The following TPP1 variants were observed in gnomAD, a reference collection of about 807,000 sequenced individuals.
TPP1 encodes tripeptidyl peptidase 1.
A neutral mutation model predicts 67.6 loss-of-function variants in TPP1; 43 were observed. The observed-to-expected ratio is 0.64, with a 90% CI of 0.50 to 0.82. The LOEUF (loss-of-function observed/expected upper bound fraction) is 0.82. Among genes scored for constraint, TPP1 ranks in the 40% least tolerant of loss-of-function variants. The probability of loss-of-function intolerance (pLI) is 0.00; values close to 1 mark genes in which losing one functional copy is unlikely to be tolerated. For synonymous variants in TPP1, 272 were observed against 281.5 expected (o/e 0.97, Z 0.34); for missense variants, 671 against 710.9 (o/e 0.94, Z 0.64).
At chr11:6,618,679 G>A in intron 3 of TPP1, 97 bp downstream of exon 3, 1 of 1,544,110 alleles carries the variant, frequency 6.5e-7, no homozygotes, top group Non-Finnish European at 8.8e-7. Flanking sequence ...GAACACAAGT[G>A]TCTTGGCAGG....
intron 6 of TPP1, 22 bp downstream of exon 6, chr11:6,616,953 T>C: frequency 6.2e-7 from 1 of 1,614,134 alleles, no homozygotes; most frequent in African/African-American, 1.3e-5. Context: ...ATGAGGACCC[T>C]GGGGCTCTTT....
Position 6,615,546 on chromosome 11 carries a change from C to T in TPP1, c.1162G>A (p.Val388Met), listed in dbSNP as rs1855567562. The part of the protein sequence containing the change: ...FPASSPYVTT[V>M]GGTSFQEPFL... ...GGTTCCTGGAAGGATGTGCCTCCCA[C>T]TGTGGTGACATAGGGGCTGAGGGGA... Residue 388 changes from valine (V) to methionine (M), a missense_variant, in exon 10 of 13, where the codon GTG (valine) becomes ATG (methionine). Coordinates refer to ENST00000299427, the MANE Select transcript of TPP1 (RefSeq NM_000391.4). 6.2e-7 allele frequency: 1 copy of T among 1,614,038 alleles called. No individual in the cohort carries two copies. The highest frequency in any genetic ancestry group is 1.3e-5 in the African/African-American group (1 of 74,906).
Position 6,617,657 on chromosome 11 carries a change from G to T in TPP1, c.349C>A (p.Gln117Lys). The change falls in exon 4 of 13, where the codon CAG becomes AAG. Residue 117 changes from glutamine (Q) to lysine (K), a missense_variant. Coordinates refer to ENST00000299427, the MANE Select transcript of TPP1 (RefSeq NM_000391.4). Reference sequence around the variant, plus strand: ...CTCAGCCAGCAAGTCAGAAAGTCCTGTGTGATCACAGAATGGCACTTCTGG... The same window carrying T: ...CTCAGCCAGCAAGTCAGAAAGTCCTTTGTGATCACAGAATGGCACTTCTGG... Reference protein sequence around the residue: ...GAQKCHSVITQDFLTCWLSIR... With the variant: ...GAQKCHSVITKDFLTCWLSIR... 1 of 1,614,186 alleles carries T rather than the reference G, an allele frequency of 6.2e-7. No homozygotes were observed. The highest frequency in any genetic ancestry group is 8.5e-7 in the Non-Finnish European group (1 of 1,180,038).
At position 6,615,284 on chromosome 11, in the gene TPP1, G is replaced by T. The variant is rs1855561858; in HGVS notation, c.1312C>A (p.Pro438Thr). 1.2e-6 allele frequency: 2 copies of T among 1,614,188 alleles called. No homozygotes were observed. The highest frequency in any genetic ancestry group is 1.7e-6 in the Non-Finnish European group (2 of 1,180,034). ...KFLSSSPHLP[P>T]SSYFNASGRA... ...CCACTGGCATTGAAGTAACTGGATG[G>T]TGGCAGGTGGGGGCTAGAGCTCAGG... Residue 438 changes from proline (P) to threonine (T), a missense_variant, in exon 11 of 13, where the codon CCA (proline) becomes ACA (threonine). Coordinates refer to ENST00000299427, the MANE Select transcript of TPP1 (RefSeq NM_000391.4).
In TPP1 at chr11:6,615,557, T is replaced by A. The variant is rs894753579; in HGVS notation, c.1151A>T (p.Tyr384Phe). 1.2e-6 allele frequency: 2 copies of A among 1,614,050 alleles called. No individual in the cohort carries two copies. Among genetic ancestry groups the A allele is most frequent in the Non-Finnish European group, 1.7e-6 (2 of 1,180,014 alleles). ...GGATGTGCCTCCCACTGTGGTGACA[T>A]AGGGGCTGAGGGGAGAAGACAGCAT... is the stretch of plus-strand genomic sequence containing the variant. Reference protein sequence around the residue: ...FRPTFPASSPYVTTVGGTSFQ... With the variant: ...FRPTFPASSPFVTTVGGTSFQ... The change falls in exon 10 of 13, where the codon TAT becomes TTT. Residue 384 changes from tyrosine to phenylalanine, a missense_variant. Physicochemically the swap from Tyr to Phe is conservative, Grantham distance 22. Transcript: ENST00000299427.
chr11:6,618,189 T>A (rs981068623), intron 3 of TPP1: 1 of 349,980 alleles, frequency 2.9e-6, no homozygotes, highest in Non-Finnish European at 5.5e-6. Flanking sequence ...GGTGAGTCAC[T>A]GTTTCCTGCC....
At chr11:6,614,786 C>T in intron 12 of TPP1, 80 bp downstream of exon 12, 1 of 1,613,684 alleles carries the variant, frequency 6.2e-7, no homozygotes, top group Non-Finnish European at 8.5e-7. Flanking sequence ...TATTCCACAC[C>T]ACCCTAACTG....
At position 6,614,497 on chromosome 11, in the gene TPP1, C is replaced by T. The variant is rs1179927507; in HGVS notation, c.*49G>A. 1 of 1,613,650 alleles carries T rather than the reference C, an allele frequency of 6.2e-7. No homozygotes were observed. The highest frequency in any genetic ancestry group is 2.2e-5 in the East Asian group (1 of 44,862). On this transcript the variant is annotated 3_prime_UTR_variant, in exon 13 of 13. Transcript: ENST00000299427. ...CAACAGGGCAGAATAAGGGACTGAA[C>T]TGCCAGCTTCAGGGCAGGGGACAAG...
In TPP1 at chr11:6,617,316, G is replaced by A. The variant is rs2134595577; in HGVS notation, c.493C>T (p.Pro165Ser). 2 of 1,614,130 alleles carry A rather than the reference G, an allele frequency of 1.2e-6. No homozygotes were observed. The highest frequency in any genetic ancestry group is 8.5e-7 in the Non-Finnish European group (1 of 1,180,030). Residue 165 changes from proline (P) to serine (S), a missense_variant, in exon 5 of 13, where the codon CCC becomes TCC. By Grantham distance (74) the Pro-to-Ser change is moderately conservative. Transcript: ENST00000299427. The stretch of plus-strand genomic sequence containing the variant: ...TAGGTGTTACCAAAGTCCACATGGG[G>A]GGCCAAGGCCTGTGGAAGCTGGTAG... ...HPYQLPQALA[P>S]HVDFVGGLHR...
chr11:6,616,709 G>C lies in TPP1; in HGVS notation c.838C>G (p.Leu280Val), dbSNP rs769824907. Reference protein sequence around the residue: ...GIEASLDVQYLMSAGANISTW... With the variant: ...GIEASLDVQYVMSAGANISTW... ...GAGATGTTGGCACCAGCACTCATCA[G>C]GTACTGCACATCTAGACTGGCCTCA... Residue 280 changes from leucine to valine, a missense_variant, in exon 7 of 13, where the codon CTG (leucine) becomes GTG (valine). Leu to Val is a conservative substitution (Grantham distance 32). Transcript: ENST00000299427. 3.1e-6 allele frequency: 5 copies of C among 1,613,962 alleles called. No individual in the cohort carries two copies. The highest frequency in any genetic ancestry group is 4.2e-6 in the Non-Finnish European group (5 of 1,180,010).
At chr11:6,618,662 G>T in intron 3 of TPP1, 114 bp downstream of exon 3, 1 of 1,464,212 alleles carries the variant, frequency 6.8e-7, no homozygotes, top group Non-Finnish European at 9.4e-7. Context: ...TAGGTTTCTA[G>T]CCTGAGGAAC....
chr11:6,618,989 G>T (rs2134598335), intron 2 of TPP1, 74 bp from the exon 3 acceptor site: 2 of 1,598,406 alleles, frequency 1.3e-6, no homozygotes, highest in Non-Finnish European at 8.5e-7. Flanking sequence ...GAAGGTTCCA[G>T]ATTAGGAGCT....
chr11:6,616,229 GAGACC>G, intron 8 of TPP1, 81 bp downstream of exon 8: 1 of 1,601,944 alleles, frequency 6.2e-7, no homozygotes, highest in Non-Finnish European at 8.5e-7. Flanking sequence ...TTATGAGTCA[GAGACC>G]AGGCTCAGGG....
chr11:6,615,512 A>G lies in TPP1; in HGVS notation c.1196T>C (p.Ile399Thr). 1 of 1,614,200 alleles carries G rather than the reference A, an allele frequency of 6.2e-7. No individual in the cohort carries two copies. Among genetic ancestry groups the G allele is most frequent in the East Asian group, 2.2e-5 (1 of 44,882 alleles). ...GATATAGTCAACAATTTCATTTGTG[A>G]TGAGGAAAGGTTCCTGGAAGGATGT... ...GGTSFQEPFL[I>T]TNEIVDYISG... The change falls in exon 10 of 13, where the codon ATC (isoleucine) becomes ACC (threonine). Residue 399 changes from isoleucine (I) to threonine (T), a missense_variant. Physicochemically the swap from Ile to Thr is moderately conservative, Grantham distance 89. Transcript: ENST00000299427.
rs1431597778 is a variant in TPP1, at chr11:6,615,518, A to G, written c.1190T>C (p.Phe397Ser). The G allele has an allele frequency of 6.2e-7, 1 of 1,614,168 alleles. No homozygotes were observed. The highest frequency in any genetic ancestry group is 2.2e-5 in the East Asian group (1 of 44,882). The stretch of plus-strand genomic sequence containing the variant: ...GTCAACAATTTCATTTGTGATGAGG[A>G]AAGGTTCCTGGAAGGATGTGCCTCC... ...TVGGTSFQEP[F>S]LITNEIVDYI... The change falls in exon 10 of 13, where the codon TTC (phenylalanine) becomes TCC (serine). Residue 397 changes from phenylalanine to serine, a missense_variant. Coordinates refer to ENST00000299427, the MANE Select transcript of TPP1 (RefSeq NM_000391.4).
At position 6,616,178 on chromosome 11, in the gene TPP1, A is replaced by T. The variant is rs550630749; in HGVS notation, c.1076-104T>A. The T allele has an allele frequency of 2.5e-6, 4 of 1,572,082 alleles. No individual in the cohort carries two copies. The East Asian group carries it at 9.0e-5, about 35-fold the overall frequency. ...GTTACTGTAGGAGGTCAGAGTGTAG[A>T]GGTCAGGTCAGTGGTCCCTACTGGA... On this transcript the variant is annotated intron_variant, in intron 8 of 12. Coordinates refer to ENST00000299427, the MANE Select transcript of TPP1 (RefSeq NM_000391.4).
In TPP1 at chr11:6,618,472, G is replaced by C. The variant is rs1373020533; in HGVS notation, c.229+304C>G. The C allele has an allele frequency of 1.0e-5, 6 of 576,800 alleles. No homozygotes were observed. The East Asian group carries it at 1.7e-4, about 17-fold the overall frequency. The allele number at this position is 576,800 out of a possible 1,614,324, so 35.7% of individuals were successfully genotyped here. ...CGGCAAGAAGGAGATTAATCCAAAG[G>C]CTCTTTGGGAGTTAGAACTGGCAGC... is the stretch of plus-strand genomic sequence containing the variant. On this transcript the variant is annotated intron_variant, in intron 3 of 12. Transcript: ENST00000299427.
In TPP1 at chr11:6,616,340, C is replaced by T. The variant is rs1401231129; in HGVS notation, c.1050G>A (p.Arg350=). 6.2e-7 allele frequency: 1 copy of T among 1,613,412 alleles called. No individual in the cohort carries two copies. Among genetic ancestry groups the T allele is most frequent in the Non-Finnish European group, 8.5e-7 (1 of 1,179,940 alleles). Residue 350 remains arginine, a synonymous_variant, in exon 8 of 13, where the codon CGG becomes CGA. Coordinates refer to ENST00000299427, the MANE Select transcript of TPP1 (RefSeq NM_000391.4). The part of the protein sequence containing the change: ...VNTELMKAAA[R]GLTLLFASGD... ...CTGAGGCGAAGAGCAGGGTGAGACCCCGAGCGGCAGCCTTCATGAGCTCAG... is the reference window on the plus strand; with the variant it reads ...CTGAGGCGAAGAGCAGGGTGAGACCTCGAGCGGCAGCCTTCATGAGCTCAG...
chr11:6,619,129 A>T, intron 2 of TPP1, 67 bp downstream of exon 2: 2 of 1,589,004 alleles, frequency 1.3e-6, no homozygotes, highest in East Asian at 2.3e-5. Flanking sequence ...GAGAGAAGCT[A>T]GGACCAGGAC....
Sources: gnomAD v4.1 joint callset for allele counts on GRCh38, gnomAD v4.1.1 for gene constraint, MANE v1.5 for transcripts, NCBI Gene and HGNC (gene_info 2026-07-23, HGNC 2026-07-21) for gene names.